COL18A1: variants seen among roughly 807,000 people sequenced by gnomAD.
COL18A1 encodes the protein collagen type XVIII alpha 1 chain.
Under a neutral mutation model 168.0 loss-of-function variants are expected in COL18A1, and 133 were observed. That is an observed-to-expected ratio of 0.79 (90% confidence interval 0.69 to 0.91). The LOEUF (loss-of-function observed/expected upper bound fraction) is 0.91, where lower values mean the gene tolerates loss of function less well. Among genes scored for constraint, COL18A1 ranks in the 40% least tolerant of loss-of-function variants. The pLI is 0.00. For synonymous variants in COL18A1, 949 were observed against 809.0 expected (o/e 1.17, Z -2.94); for missense variants, 2,126 against 1,925.4 (o/e 1.10, Z -1.95).
Position 45,505,397 on chromosome 21 carries a change from CTGGGCCCCCTGGAACCA to C in COL18A1, c.3059_3075del (p.Pro1020ArgfsTer61), listed in dbSNP as rs775373948. On this transcript the variant is annotated frameshift_variant, in exon 36 of 42. Coordinates refer to ENST00000651438, the MANE Select transcript of COL18A1 (RefSeq NM_001379500.1). LOFTEE classifies it high-confidence loss of function. ...GGCCCTCCGGGCCCCCCTGGGCCCC[CTGGGCCCCCTGGAACCA>C]TGGGCGCCTCCTCAGGGGTAAGTGT... The C allele has an allele frequency of 2.5e-6, 4 of 1,583,298 alleles. No individual in the cohort carries two copies. The highest frequency in any genetic ancestry group is 3.5e-6 in the Non-Finnish European group (4 of 1,157,868).
intron 2 of COL18A1, among the ~76,000 whole-genome samples, chr21:45,438,076 A>AC: frequency 1.6e-5 from 2 of 123,574 alleles, no homozygotes; most frequent in Non-Finnish European, 1.6e-5. Flanking sequence ...ACACTCAGAC[A>AC]AGCACTCTCC....
chr21:45,430,753 G>A (rs1329615414), intron 2 of COL18A1, among the ~76,000 whole-genome samples: 3 of 152,184 alleles, frequency 2.0e-5, no homozygotes, highest in Non-Finnish European at 4.4e-5. Context: ...CAGTGGCCCG[G>A]CTGGCTTTCC....
In COL18A1 at chr21:45,475,532, G is replaced by C; in HGVS notation, c.795G>C (p.Glu265Asp). ...ACGCCCGGGAGCTTCTCAGGGAGGA[G>C]ACGGTGAGTAGCCGGACGGGGCCCA... is the stretch of plus-strand genomic sequence containing the variant. ...LGDARELLRE[E>D]TGAALKPRLP... The change falls in exon 5 of 42, where the codon GAG becomes GAC. Residue 265 changes from glutamate (E) to aspartate (D), a missense_variant. Transcript: ENST00000651438. The C allele has an allele frequency of 6.2e-7, 1 of 1,606,024 alleles. No homozygotes were observed. Among genetic ancestry groups the C allele is most frequent in the Non-Finnish European group, 8.5e-7 (1 of 1,177,928 alleles).
intron 2 of COL18A1, among the ~76,000 whole-genome samples, chr21:45,451,143 G>T (rs2034613067): frequency 6.6e-6 from 1 of 152,226 alleles, no homozygotes; most frequent in African/African-American, 2.4e-5. Flanking sequence ...AACAAGAGTG[G>T]CTGCGTGCGG....
At chr21:45,497,439 G>A (rs1051449832) in intron 31 of COL18A1, among the ~76,000 whole-genome samples, 160 bp from the exon 32 acceptor site, 3 of 152,334 alleles carry the variant, frequency 2.0e-5, no homozygotes, top group South Asian at 2.1e-4. Context: ...GACCCAGGGC[G>A]CCCCTGCTCT....
chr21:45,479,657 C>T (rs973225542), intron 9 of COL18A1, among the ~76,000 whole-genome samples: 5 of 152,160 alleles, frequency 3.3e-5, no homozygotes, highest in Admixed American at 6.5e-5. Context: ...TGGAGGCCTT[C>T]GGGGAACCTG....
At position 45,495,758 on chromosome 21, in the gene COL18A1, G is replaced by A; in HGVS notation, c.2508+326G>A. Reference sequence around the variant, plus strand: ...CACACGTGCTCATGTGTGTACACATGCCCATACACTCCACATAGGTGCACA... The same window carrying A: ...CACACGTGCTCATGTGTGTACACATACCCATACACTCCACATAGGTGCACA... On this transcript the variant is annotated intron_variant, in intron 29 of 41. Transcript: ENST00000651438. 7.9e-6 allele frequency: 3 copies of A among 380,948 alleles called. No homozygotes were observed. The East Asian group carries it at 1.9e-4, about 24-fold the overall frequency. The allele number at this position is 380,948 out of a possible 1,614,324, so 23.6% of individuals were successfully genotyped here.
At chr21:45,441,121 A>G (rs1332422444) in intron 2 of COL18A1, among the ~76,000 whole-genome samples, 2 of 151,934 alleles carry the variant, frequency 1.3e-5, no homozygotes, top group African/African-American at 4.8e-5. Context: ...AGACTTTCCC[A>G]TCTCCCCACT....
chr21:45,502,578 C>A (rs150604591), intron 32 of COL18A1: 214 of 152,286 alleles, frequency 1.4e-3, no homozygotes, highest in African/African-American at 4.7e-3. Context: ...GTCCAAAAAT[C>A]CAAAGTTAAT....
chr21:45,431,656 G>A (rs910883764), intron 2 of COL18A1, among the ~76,000 whole-genome samples: 20 of 152,096 alleles, frequency 1.3e-4, no homozygotes, highest in East Asian at 3.9e-4. Flanking sequence ...GGAAGCCCCC[G>A]GAAAGTGGTG....
chr21:45,454,697 G>A (rs1304599310), intron 2 of COL18A1, among the ~76,000 whole-genome samples: 5 of 152,234 alleles, frequency 3.3e-5, no homozygotes, highest in African/African-American at 1.2e-4. Context: ...ACCCACTGCT[G>A]TGCCTGGGCA....
chr21:45,495,338 C>T lies in COL18A1; in HGVS notation c.2434-20C>T. The T allele has an allele frequency of 6.3e-7, 1 of 1,592,654 alleles. No individual in the cohort carries two copies. The highest frequency in any genetic ancestry group is 1.1e-5 in the South Asian group (1 of 88,942). ...AATCATCAGTGCCCAGCAGTCCCCA[C>T]CCCCTGTGCTCCGCCCCAGGGTCGC... On this transcript the variant is annotated intron_variant, in intron 28 of 41. Coordinates refer to ENST00000651438, the MANE Select transcript of COL18A1 (RefSeq NM_001379500.1).
At chr21:45,436,163 C>T (rs1234426335) in intron 2 of COL18A1, among the ~76,000 whole-genome samples, 1 of 152,220 alleles carries the variant, frequency 6.6e-6, no homozygotes, top group African/African-American at 2.4e-5. Context: ...TACAGGGCTG[C>T]CATCCCTCTG....
At chr21:45,464,881 C>T (rs114761147) in intron 2 of COL18A1, among the ~76,000 whole-genome samples, 330 of 152,334 alleles carry the variant, frequency 2.2e-3, no homozygotes, top group African/African-American at 7.3e-3. Flanking sequence ...CGTAAAATTA[C>T]GCTTGTGGGT....
intron 32 of COL18A1, chr21:45,502,413 C>T (rs570098568): frequency 6.6e-6 from 1 of 152,302 alleles, no homozygotes; most frequent in African/African-American, 2.4e-5. Flanking sequence ...GTACCTGTTT[C>T]TACACATCAG....
chr21:45,443,661 C>T lies in COL18A1; in HGVS notation c.107-24581C>T, dbSNP rs1380750330. 6.6e-6 allele frequency among the ~76,000 whole-genome samples: 1 copy of T among 152,182 alleles called. No individual in the cohort carries two copies. The highest frequency in any genetic ancestry group is 1.5e-5 in the Non-Finnish European group (1 of 68,024). The stretch of plus-strand genomic sequence containing the variant: ...AGCCTCTGGGTGGTCCTGTACCTGT[C>T]TGTCACATCCCGGGCTGCAGCCGGG... On this transcript the variant is annotated intron_variant, in intron 2 of 41. Transcript: ENST00000651438. This position sits in a 1 kb window ranked among gnomAD's most constrained non-coding sequence, Gnocchi z 5.2.
intron 2 of COL18A1, chr21:45,421,417 G>A (rs564192298): frequency 5.4e-5 from 29 of 534,358 alleles, no homozygotes; most frequent in African/African-American, 2.7e-4. Flanking sequence ...GAGTCCGCCC[G>A]TGTGGAAGTG....
At position 45,496,489 on chromosome 21, in the gene COL18A1, C is replaced by A; in HGVS notation, c.2509-11C>A. The stretch of plus-strand genomic sequence containing the variant: ...GGCCATAAGCCTAACAGCTCTCTGC[C>A]CTCCCCACAGGGAATGCCCGGCCCC... On this transcript the variant is annotated splice_polypyrimidine_tract_variant and intron_variant, in intron 29 of 41. Coordinates refer to ENST00000651438, the MANE Select transcript of COL18A1 (RefSeq NM_001379500.1). The A allele has an allele frequency of 7.9e-7, 1 of 1,268,074 alleles. No individual in the cohort carries two copies. The highest frequency in any genetic ancestry group is 1.2e-6 in the Non-Finnish European group (1 of 864,332). The allele number at this position is 1,268,074 out of a possible 1,614,324, so 78.6% of individuals were successfully genotyped here.
chr21:45,510,209 A>C lies in COL18A1; in HGVS notation c.3641A>C (p.Tyr1214Ser). Residue 1214 changes from tyrosine (Y) to serine (S), a missense_variant, in exon 40 of 42, where the codon TAC (tyrosine) becomes TCC (serine). Physicochemically the swap from Tyr to Ser is moderately radical, Grantham distance 144. Coordinates refer to ENST00000651438, the MANE Select transcript of COL18A1 (RefSeq NM_001379500.1). Reference sequence around the variant, plus strand: ...CTGTCCTCGCGCCTGCAGGACCTGTACAGCATCGTGCGCCGTGCCGACCGC... The same window carrying C: ...CTGTCCTCGCGCCTGCAGGACCTGTCCAGCATCGTGCGCCGTGCCGACCGC... ...AFLSSRLQDL[Y>S]SIVRRADRAA... 6.2e-7 allele frequency: 1 copy of C among 1,605,024 alleles called. No homozygotes were observed. Among genetic ancestry groups the C allele is most frequent in the Non-Finnish European group, 8.5e-7 (1 of 1,176,590 alleles).
Sources: allele counts gnomAD v4.1 joint callset (sites outside exome capture counted in the v4.1 genomes callset), GRCh38; gene constraint gnomAD v4.1.1; non-coding constraint Gnocchi (gnomAD v3.1); transcripts MANE v1.5; gene names NCBI Gene and HGNC (gene_info 2026-07-23, HGNC 2026-07-21).